REV1: variants seen among roughly 807,000 people sequenced by gnomAD.
REV1 encodes the protein translesion synthesis protein REV1.
In REV1, 42 loss-of-function variants were observed where a neutral mutation model predicts 137.4. That is an observed-to-expected ratio of 0.31 (90% CI 0.24 to 0.40). REV1 has a LOEUF of 0.40. Among genes scored for constraint, REV1 ranks in the 10% least tolerant of loss-of-function variants. The pLI, the probability that REV1 is intolerant of heterozygous loss-of-function variation, is 1.00. For missense variants in REV1, 1,282 were observed against 1,490.1 expected (o/e 0.86, Z 2.30); for synonymous variants, 524 against 519.2 (o/e 1.01, Z -0.12).
At chr2:99,483,122 A>T (rs1044791038) in intron 1 of REV1, among the ~76,000 whole-genome samples, 31 of 151,052 alleles carry the variant, frequency 2.1e-4, no homozygotes, top group East Asian at 1.5e-3. Context: ...TAAATGCTTT[A>T]AAAAAAAAGG....
intron 12 of REV1, 80 bp from the exon 13 acceptor site, chr2:99,413,031 G>A: frequency 2.1e-6 from 2 of 968,314 alleles, no homozygotes; most frequent in Non-Finnish European, 3.2e-6. Context: ...CACCATTTAT[G>A]CACAAAACAA....
At position 99,406,011 on chromosome 2, in the gene REV1, T is replaced by C; in HGVS notation, c.2710A>G (p.Thr904Ala). The C allele has an allele frequency of 6.2e-7, 1 of 1,614,092 alleles. No individual in the cohort carries two copies. Among genetic ancestry groups the C allele is most frequent in the South Asian group, 1.1e-5 (1 of 91,076 alleles). ...TTCCCTGAAGACTCAGCCTTGTTAG[T>C]ATCAGGACTGGTCGGCAGATGTGCA... ...FPAHLPTSPDTNKAESSGKWN... is the reference protein window; with the variant it reads ...FPAHLPTSPDANKAESSGKWN... Residue 904 changes from threonine (T) to alanine (A), a missense_variant, in exon 17 of 23, where the codon ACT (threonine) becomes GCT (alanine). Around this residue, in one of 7 missense-constraint regions of REV1, gnomAD observed 135 missense variants for 123.3 expected, o/e 1.10. Transcript: ENST00000258428.
chr2:99,406,416 C>T lies in REV1; in HGVS notation c.2523G>A (p.Gln841=), dbSNP rs1676306676. 1 of 1,613,762 alleles carries T rather than the reference C, an allele frequency of 6.2e-7. No individual in the cohort carries two copies. Among genetic ancestry groups the T allele is most frequent in the South Asian group, 1.1e-5 (1 of 91,060 alleles). The change falls in exon 16 of 23, where the codon CAG becomes CAA. Residue 841 remains glutamine (Q), a synonymous_variant. Coordinates refer to ENST00000258428, the MANE Select transcript of REV1 (RefSeq NM_016316.4). ...ATGACCCACTAGGAAAGTGGCTTGA[C>T]TGAACTGATGGGCGACTGGGACATG... The part of the protein sequence containing the change: ...PSTCPSRPSV[Q]SSHFPSGSYS...
chr2:99,468,759 G>A (rs944700006), intron 1 of REV1, among the ~76,000 whole-genome samples: 5 of 152,166 alleles, frequency 3.3e-5, no homozygotes, highest in Non-Finnish European at 7.4e-5. Context: ...GATGAAGAGT[G>A]AATACATGAA....
chr2:99,429,214 TA>T (rs1261542219), intron 9 of REV1, among the ~76,000 whole-genome samples: 1 of 152,176 alleles, frequency 6.6e-6, no homozygotes, highest in Non-Finnish European at 1.5e-5. Flanking sequence ...AACGGTTTTT[TA>T]AATTATGAGG....
At chr2:99,452,615 G>A (rs1683057705) in intron 3 of REV1, among the ~76,000 whole-genome samples, 1 of 152,098 alleles carries the variant, frequency 6.6e-6, no homozygotes, top group Non-Finnish European at 1.5e-5. Context: ...TTTACTGTCA[G>A]ATTCCCCCCT....
At chr2:99,415,325 G>C (rs574394952) in intron 12 of REV1, among the ~76,000 whole-genome samples, 2 of 152,176 alleles carry the variant, frequency 1.3e-5, no homozygotes, top group Non-Finnish European at 2.9e-5. Context: ...AAATCTCAAC[G>C]AAGAGAGAGT....
rs1682160876 is a variant in REV1, at chr2:99,446,009, A to C, written c.350+3327T>G. ...TTTAAGTATAATAAAATCTCATTAA[A>C]ACACAGCTAAGAAGAGATCAACCAG... On this transcript the variant is annotated intron_variant, in intron 4 of 22. Coordinates refer to ENST00000258428, the MANE Select transcript of REV1 (RefSeq NM_016316.4). Among the ~76,000 whole-genome samples the C allele has an allele frequency of 2.6e-5, 4 of 152,368 alleles. No individual in the cohort carries two copies. In the South Asian group the frequency reaches 8.3e-4, roughly 32 times the overall value.
At chr2:99,414,321 GT>G (rs1430479143) in intron 12 of REV1, among the ~76,000 whole-genome samples, 2 of 152,226 alleles carry the variant, frequency 1.3e-5, no homozygotes, top group Admixed American at 6.5e-5. Context: ...GGTCAGACAA[GT>G]TTAAACCCAG....
At chr2:99,462,074 A>G (rs926085796) in intron 3 of REV1, among the ~76,000 whole-genome samples, 3 of 152,102 alleles carry the variant, frequency 2.0e-5, no homozygotes, top group Non-Finnish European at 4.4e-5. Flanking sequence ...GGCAGTTTAC[A>G]CTCTTCTACA....
At chr2:99,444,871 A>T (rs1407834254) in intron 4 of REV1, among the ~76,000 whole-genome samples, 4 of 152,158 alleles carry the variant, frequency 2.6e-5, no homozygotes, top group African/African-American at 4.8e-5. Flanking sequence ...GCGCAAAGGA[A>T]CTGTACTGAC....
intron 5 of REV1, 50 bp from the exon 6 acceptor site, chr2:99,439,360 A>G (rs977201721): frequency 4.5e-6 from 6 of 1,326,944 alleles, no homozygotes; most frequent in Non-Finnish European, 5.2e-6. Context: ...TTTTAGGTTA[A>G]AACAATTTTT....
At chr2:99,403,179 C>CT (rs1223237472) in intron 19 of REV1, 73 bp from the exon 20 acceptor site, 41 of 1,238,894 alleles carry the variant, frequency 3.3e-5, no homozygotes, top group Non-Finnish European at 4.3e-5. Context: ...ATTGGGTTCT[C>CT]TTTTCTCCTC....
intron 13 of REV1, among the ~76,000 whole-genome samples, chr2:99,412,490 T>G (rs1021015135): frequency 6.6e-6 from 1 of 152,174 alleles, no homozygotes; most frequent in African/African-American, 2.4e-5. Context: ...CTCTAATAAC[T>G]GGCCTCCAAA....
At chr2:99,414,542 G>C (rs1677596912) in intron 12 of REV1, among the ~76,000 whole-genome samples, 1 of 152,196 alleles carries the variant, frequency 6.6e-6, no homozygotes, top group Non-Finnish European at 1.5e-5. Flanking sequence ...TCAAAATGGG[G>C]AGGAGAAACA....
chr2:99,424,974 C>T (rs1679149848), intron 9 of REV1: 1 of 1,031,540 alleles, frequency 9.7e-7, no homozygotes, highest in African/African-American at 1.7e-5. Context: ...GAGCATTCAC[C>T]ACAAAACTAT....
chr2:99,419,770 AG>A (rs1678417405), intron 11 of REV1, among the ~76,000 whole-genome samples: 2 of 152,252 alleles, frequency 1.3e-5, no homozygotes, highest in Non-Finnish European at 2.9e-5. Context: ...AAGGGCACCA[AG>A]CCCTGAGAAG....
At chr2:99,476,311 A>C (rs1428129168) in intron 1 of REV1, among the ~76,000 whole-genome samples, 1 of 152,034 alleles carries the variant, frequency 6.6e-6, no homozygotes, top group Non-Finnish European at 1.5e-5. Flanking sequence ...TAATCCCAAC[A>C]CTTTAGGAGG....
At chr2:99,449,575 T>A in intron 3 of REV1, 71 bp from the exon 4 acceptor site, 1 of 701,092 alleles carries the variant, frequency 1.4e-6, no homozygotes. Context: ...AATAACTCCT[T>A]AAATAGGTCA....
Sources: gnomAD v4.1 joint callset for allele counts (sites outside exome capture counted in the v4.1 genomes callset) on GRCh38, gnomAD v4.1.1 for gene constraint, gnomAD v4.1.1 regional missense constraint, MANE v1.5 for transcripts, NCBI Gene and HGNC (gene_info 2026-07-23, HGNC 2026-07-21) for gene names.